The following CTNND2 variants were observed in gnomAD, a reference collection of about 807,000 sequenced individuals.
The protein encoded by CTNND2 is catenin delta-2.
Under a neutral mutation model 144.4 loss-of-function variants are expected in CTNND2, and 22 were observed. The ratio of observed to expected loss-of-function variants is 0.15; its 90% CI spans 0.11 to 0.22. CTNND2 has a LOEUF of 0.22. Among genes scored for constraint, CTNND2 ranks in the 10% least tolerant of loss-of-function variants. CTNND2 has a pLI of 1.00. For missense variants in CTNND2, 1,353 were observed against 1,618.8 expected (o/e 0.84, Z 2.82); for synonymous variants, 751 against 695.6 (o/e 1.08, Z -1.25).
At chr5:11,878,528 A>G (rs1022649237) in intron 1 of CTNND2, among the ~76,000 whole-genome samples, 5 of 152,226 alleles carry the variant, frequency 3.3e-5, no homozygotes, top group African/African-American at 1.2e-4. Flanking sequence ...TCTATACCCC[A>G]GATCTCAAAC....
intron 12 of CTNND2, among the ~76,000 whole-genome samples, chr5:11,146,087 C>A (rs1757218761): frequency 6.6e-6 from 1 of 152,174 alleles, no homozygotes; most frequent in Non-Finnish European, 1.5e-5. Flanking sequence ...GTTTTAATGA[C>A]ATTAAGTATC....
intron 18 of CTNND2, among the ~76,000 whole-genome samples, chr5:11,011,992 G>C (rs950686879): frequency 5.9e-5 from 9 of 152,172 alleles, no homozygotes; most frequent in Admixed American, 2.0e-4. Flanking sequence ...TGATGATGAT[G>C]ATGATGATGA....
intron 3 of CTNND2, among the ~76,000 whole-genome samples, chr5:11,467,100 A>G (rs1466801975): frequency 6.6e-6 from 1 of 152,256 alleles, no homozygotes; most frequent in Non-Finnish European, 1.5e-5. Flanking sequence ...TTCCTAAGCC[A>G]GTGCACCAGG....
intron 2 of CTNND2, among the ~76,000 whole-genome samples, chr5:11,721,357 G>C (rs1273035031): frequency 1.3e-5 from 2 of 149,918 alleles, no homozygotes; most frequent in African/African-American, 2.5e-5. Flanking sequence ...TGGTATGTGA[G>C]TAAATCTCAA....
intron 2 of CTNND2, among the ~76,000 whole-genome samples, chr5:11,680,325 C>G (rs891979387): frequency 1.3e-5 from 2 of 152,242 alleles, no homozygotes; most frequent in South Asian, 4.2e-4. Flanking sequence ...CAATTTTGCC[C>G]CCCACCCACA....
chr5:11,224,235 TG>T (rs897632893), intron 10 of CTNND2, among the ~76,000 whole-genome samples: 11 of 152,202 alleles, frequency 7.2e-5, no homozygotes, highest in Admixed American at 5.9e-4. Context: ...CTCAAAGCAC[TG>T]GCCCAATAAT....
chr5:11,558,421 A>T (rs1014409588), intron 3 of CTNND2, among the ~76,000 whole-genome samples: 1 of 151,140 alleles, frequency 6.6e-6, no homozygotes, highest in African/African-American at 2.4e-5. Flanking sequence ...GCTGGAGTGC[A>T]GTGGCACAAT....
chr5:11,878,433 C>A (rs576984954), intron 1 of CTNND2, among the ~76,000 whole-genome samples: 17 of 152,244 alleles, frequency 1.1e-4, no homozygotes, highest in African/African-American at 4.1e-4. Context: ...GCCCAAGAAA[C>A]AATAGCATTT....
chr5:11,540,111 G>T lies in CTNND2; in HGVS notation c.287+24833C>A, dbSNP rs57402650. 3.1e-3 allele frequency among the ~76,000 whole-genome samples: 468 copies of T among 152,206 alleles called. 4 individuals are homozygous for T. The highest frequency in any genetic ancestry group is 0.011 in the African/African-American group (455 of 41,534). On this transcript the variant is annotated intron_variant, in intron 3 of 21. Coordinates refer to ENST00000304623, the MANE Select transcript of CTNND2 (RefSeq NM_001332.4). ...AATTACCATTGTGGTGGGTCAAATG[G>T]CTGGAAATTAACAATTCCATATATT...
chr5:11,076,942 C>T (rs544821693), intron 16 of CTNND2, among the ~76,000 whole-genome samples: 23 of 152,210 alleles, frequency 1.5e-4, no homozygotes, highest in Admixed American at 2.6e-4. Flanking sequence ...TTCTGAAATC[C>T]TGAGTGTCTG....
At chr5:11,460,429 T>C (rs2149932292) in intron 3 of CTNND2, among the ~76,000 whole-genome samples, 1 of 152,352 alleles carries the variant, frequency 6.6e-6, no homozygotes, top group South Asian at 2.1e-4. Flanking sequence ...ACCTAAATGT[T>C]GAGACACTAG....
chr5:11,464,938 C>T (rs1047013743), intron 3 of CTNND2, among the ~76,000 whole-genome samples: 1 of 152,092 alleles, frequency 6.6e-6, no homozygotes, highest in Non-Finnish European at 1.5e-5. Flanking sequence ...AGAGGAAATG[C>T]CTTCCTCAGT....
chr5:11,664,697 G>T (rs559004302), intron 2 of CTNND2, among the ~76,000 whole-genome samples: 1 of 152,082 alleles, frequency 6.6e-6, no homozygotes, highest in Admixed American at 6.6e-5. Context: ...ATGGCCTTCG[G>T]GTTGAGATCC....
At chr5:11,871,893 A>G (rs1735158155) in intron 1 of CTNND2, among the ~76,000 whole-genome samples, 1 of 152,214 alleles carries the variant, frequency 6.6e-6, no homozygotes, top group Non-Finnish European at 1.5e-5. Flanking sequence ...GATATTTCCT[A>G]CAGAAAAATC....
intron 2 of CTNND2, among the ~76,000 whole-genome samples, chr5:11,592,323 C>T (rs1238961853): frequency 6.6e-6 from 1 of 151,766 alleles, no homozygotes. Context: ...TCCTGCCTTC[C>T]TTCCTTCCTT....
chr5:11,250,574 G>A (rs141634492), intron 9 of CTNND2, among the ~76,000 whole-genome samples: 2,342 of 146,340 alleles, frequency 0.016, 30 homozygotes, highest in Middle Eastern at 0.032. Flanking sequence ...TTGGGGTGTG[G>A]TGGTGGATCG....
In CTNND2 at chr5:11,705,301, C is replaced by T. The variant is rs567284901; in HGVS notation, c.174+26835G>A. On this transcript the variant is annotated intron_variant, in intron 2 of 21. Transcript: ENST00000304623. ...TCTGAGCACTACGCCAGCCAGAATT[C>T]TTCCCCCACCCAACTCCATTCCTGA... is the stretch of plus-strand genomic sequence containing the variant. 2.3e-3 allele frequency among the ~76,000 whole-genome samples: 347 copies of T among 152,286 alleles called. 1 individual carries two copies. The highest frequency in any genetic ancestry group is 3.5e-3 in the Non-Finnish European group (237 of 68,016).
In CTNND2 at chr5:11,079,156, C is replaced by T. The variant is rs61750273; in HGVS notation, c.2788+3540G>A. Among the ~76,000 whole-genome samples, 91 of 122,896 alleles carry T rather than the reference C, an allele frequency of 7.4e-4. 1 individual carries two copies. The highest frequency in any genetic ancestry group is 3.4e-3 in the African/African-American group (88 of 26,080). 80.6% of individuals were successfully genotyped at this position (122,896 alleles called of 152,430 possible). ...AAAAAGAACCATGTAACTATAAAAA[C>T]ATTTTGTCTGCAATTTGGAGTCACA... is the stretch of plus-strand genomic sequence containing the variant. On this transcript the variant is annotated intron_variant, in intron 16 of 21. Transcript: ENST00000304623.
intron 2 of CTNND2, among the ~76,000 whole-genome samples, chr5:11,634,026 C>A (rs560368930): frequency 3.5e-4 from 53 of 152,140 alleles, no homozygotes; most frequent in Admixed American, 9.2e-4. Flanking sequence ...CAGGCTCATG[C>A]TTCTCCTGCA....
Sources: allele counts gnomAD v4.1 joint callset (sites outside exome capture counted in the v4.1 genomes callset), GRCh38; gene constraint gnomAD v4.1.1; transcripts MANE v1.5; gene names NCBI Gene and HGNC (gene_info 2026-07-23, HGNC 2026-07-21).